The following AGAP1 variants were observed in gnomAD, a reference collection of about 807,000 sequenced individuals.
The protein encoded by AGAP1 is arf-GAP with GTPase, ANK repeat and PH domain-containing protein 1.
In AGAP1, 29 loss-of-function variants were observed where a neutral mutation model predicts 105.3. The ratio of observed to expected loss-of-function variants is 0.28; its 90% CI spans 0.21 to 0.38. AGAP1 has a LOEUF of 0.38. Among genes scored for constraint, AGAP1 ranks in the 10% least tolerant of loss-of-function variants. The pLI is 1.00. For synonymous variants in AGAP1, 509 were observed against 485.9 expected (o/e 1.05, Z -0.63); for missense variants, 998 against 1,165.1 (o/e 0.86, Z 2.09).
chr2:235,671,490 CCCCT>C (rs1948424917), intron 1 of AGAP1, among the ~76,000 whole-genome samples: 1 of 152,194 alleles, frequency 6.6e-6, no homozygotes, highest in Admixed American at 6.5e-5. Context: ...CATCCTGGCG[CCCCT>C]CCCTGCCTCG....
In AGAP1 at chr2:236,012,764, A is replaced by AATTATTATTATTATT. The variant is rs35595393; in HGVS notation, c.1646-23784_1646-23770dup. ...CTAGTTTAGAGGTTGTTTCTTACTA[A>AATTATTATTATTATT]ATTATTATTATTATTATTATTATTA... On this transcript the variant is annotated intron_variant, in intron 13 of 17. Transcript: ENST00000304032. The surrounding 1 kb of genome is among the most constrained non-coding windows in gnomAD (Gnocchi z 4.9). Among the ~76,000 whole-genome samples the AATTATTATTATTATT allele has an allele frequency of 2.0e-5, 3 of 148,790 alleles. No individual in the cohort carries two copies. Among genetic ancestry groups the AATTATTATTATTATT allele is most frequent in the African/African-American group, 7.4e-5 (3 of 40,466 alleles).
chr2:235,871,953 A>T (rs960463468), intron 9 of AGAP1, among the ~76,000 whole-genome samples: 4 of 152,194 alleles, frequency 2.6e-5, no homozygotes, highest in South Asian at 4.1e-4. Context: ...TGGAGAACAG[A>T]TACCACGCTG....
At chr2:235,797,102 A>G (rs990925163) in intron 6 of AGAP1, among the ~76,000 whole-genome samples, 10 of 152,314 alleles carry the variant, frequency 6.6e-5, no homozygotes, top group Admixed American at 3.9e-4. Flanking sequence ...GATAGCTTGT[A>G]GAGTGAAGAG....
At chr2:235,709,557 T>C (rs1157028504) in intron 2 of AGAP1, among the ~76,000 whole-genome samples, 5 of 151,410 alleles carry the variant, frequency 3.3e-5, no homozygotes, top group Non-Finnish European at 5.9e-5. Flanking sequence ...CCCCATGGGT[T>C]GATTTGTCCT....
At chr2:235,706,475 G>A (rs181938697) in intron 1 of AGAP1, among the ~76,000 whole-genome samples, 18 of 152,002 alleles carry the variant, frequency 1.2e-4, no homozygotes, top group African/African-American at 4.1e-4. Context: ...TGATCCGCCC[G>A]CCTCGGCCTC....
intron 1 of AGAP1, among the ~76,000 whole-genome samples, chr2:235,598,712 C>G (rs536443216): frequency 3.9e-5 from 6 of 152,310 alleles, no homozygotes; most frequent in African/African-American, 1.4e-4. Context: ...GTAACGGAGT[C>G]GTCCCTCCGG....
chr2:235,960,141 G>A lies in AGAP1; in HGVS notation c.1484-8321G>A, dbSNP rs73996650. On this transcript the variant is annotated intron_variant, in intron 12 of 17. Transcript: ENST00000304032. The surrounding 1 kb of genome is among the most constrained non-coding windows in gnomAD (Gnocchi z 4.9). ...GGGAGGGTGCTTGCGGACCCACCCT[G>A]GAGGACCTCGGCCCTGTAAGCAGCA... Among the ~76,000 whole-genome samples the A allele has an allele frequency of 6.6e-6, 1 of 152,078 alleles. No homozygotes were observed. The highest frequency in any genetic ancestry group is 1.5e-5 in the Non-Finnish European group (1 of 68,032).
chr2:235,710,455 G>T (rs137872908), intron 2 of AGAP1, among the ~76,000 whole-genome samples: 1 of 152,178 alleles, frequency 6.6e-6, no homozygotes, highest in African/African-American at 2.4e-5. Context: ...CACCGCAACC[G>T]CGGGGTGTCA....
At position 235,927,259 on chromosome 2, in the gene AGAP1, G is replaced by A. The variant is rs1389051099; in HGVS notation, c.1325-3506G>A. ...GGTGTCTTCCATCTGGACACCAGGA[G>A]CATGTGGTCTTGCCAGGAGGTTCGT... On this transcript the variant is annotated intron_variant, in intron 11 of 17. Transcript: ENST00000304032. The surrounding 1 kb of genome is among the most constrained non-coding windows in gnomAD (Gnocchi z 4.4). 6.6e-6 allele frequency among the ~76,000 whole-genome samples: 1 copy of A among 152,142 alleles called. No individual in the cohort carries two copies. Among genetic ancestry groups the A allele is most frequent in the Non-Finnish European group, 1.5e-5 (1 of 68,032 alleles).
At chr2:235,644,632 G>T (rs970591564) in intron 1 of AGAP1, among the ~76,000 whole-genome samples, 4 of 152,138 alleles carry the variant, frequency 2.6e-5, no homozygotes, top group Non-Finnish European at 5.9e-5. Context: ...CAAGTCAGGC[G>T]CTTGGCCACC....
At chr2:235,532,676 A>G (rs1480649975) in intron 1 of AGAP1, among the ~76,000 whole-genome samples, 1 of 152,254 alleles carries the variant, frequency 6.6e-6, no homozygotes, top group Non-Finnish European at 1.5e-5. Context: ...CTCAAACTAT[A>G]TTAAAAACAC....
rs181028268 is a variant in AGAP1 at position 235,931,946 on chromosome 2, T to C, written c.1483+1023T>C. On this transcript the variant is annotated intron_variant, in intron 12 of 17. Transcript: ENST00000304032. The surrounding 1 kb of genome is among the most constrained non-coding windows in gnomAD (Gnocchi z 5.6). ...CACGCGGCTGCCCCGGCTGGCCCAT[T>C]CCCATCCCAGCGCCAGGGCTTGCTC... 6.8e-3 allele frequency among the ~76,000 whole-genome samples: 1,032 copies of C among 152,132 alleles called. 6 individuals carry two copies. The highest frequency in any genetic ancestry group is 0.023 in the African/African-American group (949 of 41,494).
intron 16 of AGAP1, among the ~76,000 whole-genome samples, chr2:236,102,585 TAA>T (rs372649210): frequency 1.9e-4 from 26 of 134,512 alleles, no homozygotes; most frequent in South Asian, 4.8e-4. Context: ...GAGAGACTGT[TAA>T]AAAAAAAAAA....
rs532185693 is a variant in AGAP1, at chr2:235,551,464, C to G, written c.163+56615C>G. ...GGGACTACAGGTGCGCAGCACCACA[C>G]CTGGCTGATTTTTTTTGTAGAGACG... On this transcript the variant is annotated intron_variant, in intron 1 of 17. Transcript: ENST00000304032. The surrounding 1 kb of genome is among the most constrained non-coding windows in gnomAD (Gnocchi z 4.8). Among the ~76,000 whole-genome samples, 10 of 142,754 alleles carry G rather than the reference C, an allele frequency of 7.0e-5. No homozygotes were observed. The East Asian group carries it at 2.4e-3, about 34-fold the overall frequency. 93.7% of individuals were successfully genotyped at this position (142,754 alleles called of 152,430 possible). A position where few individuals can be genotyped will look rare whatever the true frequency, so the allele number is the denominator to read the frequency against.
chr2:235,579,529 A>C (rs1574891842), intron 1 of AGAP1, among the ~76,000 whole-genome samples: 2 of 152,210 alleles, frequency 1.3e-5, no homozygotes, highest in South Asian at 4.2e-4. Flanking sequence ...TAATCCCAGC[A>C]CTTTGGGAGG....
Position 235,609,647 on chromosome 2 carries a change from C to T in AGAP1, c.164-99532C>T, listed in dbSNP as rs1946061376. Among the ~76,000 whole-genome samples, 3 of 152,058 alleles carry T rather than the reference C, an allele frequency of 2.0e-5. No homozygotes were observed. The highest frequency in any genetic ancestry group is 7.2e-5 in the African/African-American group (3 of 41,390). On this transcript the variant is annotated intron_variant, in intron 1 of 17. Transcript: ENST00000304032. This position sits in a 1 kb window ranked among gnomAD's most constrained non-coding sequence, Gnocchi z 5.1. ...CTGCCTGTCTCAGTGCTCTGGGGTC[C>T]CGTGCTGAGGGAGCATCCTTATGGT...
At position 236,119,372 on chromosome 2, in the gene AGAP1, T is replaced by C. The variant is rs768804383; in HGVS notation, c.2115-820T>C. Among the ~76,000 whole-genome samples, 2 of 152,188 alleles carry C rather than the reference T, an allele frequency of 1.3e-5. No homozygotes were observed. The highest frequency in any genetic ancestry group is 2.9e-5 in the Non-Finnish European group (2 of 68,026). ...TTTCCACTTAAGCCTTCCCCAAGTATCTGGAGATTCCAAAAGCTGCATCTC... is the reference window on the plus strand; with the variant it reads ...TTTCCACTTAAGCCTTCCCCAAGTACCTGGAGATTCCAAAAGCTGCATCTC... On this transcript the variant is annotated intron_variant, in intron 16 of 17. Transcript: ENST00000304032. This position sits in a 1 kb window ranked among gnomAD's most constrained non-coding sequence, Gnocchi z 6.6.
chr2:235,693,302 C>G (rs1404678748), intron 1 of AGAP1, among the ~76,000 whole-genome samples: 1 of 152,164 alleles, frequency 6.6e-6, no homozygotes, highest in African/African-American at 2.4e-5. Flanking sequence ...GTACTCAAAG[C>G]TATCCCCAAG....
At position 235,739,698 on chromosome 2, in the gene AGAP1, A is replaced by G. The variant is rs200316945; in HGVS notation, c.311-1265A>G. ...GGCAGGAGCTCGCGGGAACGGGCCAACGCCCCACTGCCCCAGTCAGCCCTC... is the reference window on the plus strand; with the variant it reads ...GGCAGGAGCTCGCGGGAACGGGCCAGCGCCCCACTGCCCCAGTCAGCCCTC... On this transcript the variant is annotated intron_variant, in intron 3 of 17. Coordinates refer to ENST00000304032, the MANE Select transcript of AGAP1 (RefSeq NM_001037131.3). This position sits in a 1 kb window ranked among gnomAD's most constrained non-coding sequence, Gnocchi z 5.3. 2.0e-5 allele frequency among the ~76,000 whole-genome samples: 3 copies of G among 152,236 alleles called. No homozygotes were observed. The highest frequency in any genetic ancestry group is 1.9e-4 in the East Asian group (1 of 5,192).
Sources: allele counts gnomAD v4.1 joint callset (sites outside exome capture counted in the v4.1 genomes callset), GRCh38; gene constraint gnomAD v4.1.1; non-coding constraint Gnocchi (gnomAD v3.1); transcripts MANE v1.5; gene names NCBI Gene and HGNC (gene_info 2026-07-23, HGNC 2026-07-21).